NT5DC3: variants seen among roughly 807,000 people sequenced by gnomAD.
NT5DC3 encodes the protein 5'-nucleotidase domain containing 3.
Under a neutral mutation model 67.8 loss-of-function variants are expected in NT5DC3, and 42 were observed. The observed-to-expected ratio is 0.62, with a 90% CI of 0.48 to 0.80. NT5DC3 has a LOEUF of 0.80. NT5DC3 is among the 30% of genes least tolerant of loss of function. The pLI, the probability that NT5DC3 is intolerant of heterozygous loss-of-function variation, is 0.00. For synonymous variants in NT5DC3, 237 were observed against 255.6 expected (o/e 0.93, Z 0.69); for missense variants, 570 against 696.4 (o/e 0.82, Z 2.04).
chr12:103,778,170 T>TAAA (rs71098000), intron 13 of NT5DC3, 89 bp from the exon 14 acceptor site: 303,231 of 1,159,844 alleles, frequency 0.26, 18,483 homozygotes, highest in South Asian at 0.36. Context: ...CTTCTTTTTT[T>TAAA]AAAAAAAAAA....
chr12:103,785,751 T>TAAAAAAAAAAAAAA, intron 11 of NT5DC3: 1 of 363,510 alleles, frequency 2.8e-6, no homozygotes, highest in Non-Finnish European at 5.1e-6. Context: ...CCATGGTCTG[T>TAAAAAAAAAAAAAA]AAAAAAAAAA....
At chr12:103,758,908 C>G in the NT5DC3 span, among the ~76,000 whole-genome samples, 1 of 152,190 alleles carries the variant, frequency 6.6e-6, no homozygotes, top group East Asian at 1.9e-4. Context: ...AAGCTCTGCT[C>G]TAGACAATAC....
rs55870188 is a variant in NT5DC3 at position 103,824,729 on chromosome 12, C to T, written c.209-9608G>A. ...AATAAAGGCAATGAGCACCTAACAC[C>T]CCCTAGCCTTTCCTCACATTCCCTT... On this transcript the variant is annotated intron_variant, in intron 1 of 13. Transcript: ENST00000392876. Among the ~76,000 whole-genome samples the T allele has an allele frequency of 4.4e-3, 663 of 152,222 alleles. 9 individuals carry two copies. The highest frequency in any genetic ancestry group is 0.015 in the African/African-American group (621 of 41,526).
chr12:103,761,218 T>C, the NT5DC3 span: 1 of 1,331,806 alleles, frequency 7.5e-7, no homozygotes, highest in Non-Finnish European at 1.1e-6. Flanking sequence ...TCAGGGGCCT[T>C]GGGAAAATTG....
intron 6 of NT5DC3, among the ~76,000 whole-genome samples, chr12:103,794,293 G>C (rs978904131): frequency 5.7e-5 from 5 of 88,004 alleles, no homozygotes; most frequent in African/African-American, 1.5e-4. Flanking sequence ...GGGATTACAG[G>C]CGCCCGCCAG....
intron 9 of NT5DC3, among the ~76,000 whole-genome samples, chr12:103,792,920 T>C (rs1345243652): frequency 6.6e-6 from 1 of 152,262 alleles, no homozygotes; most frequent in Non-Finnish European, 1.5e-5. Flanking sequence ...AATCATTTTC[T>C]TCAAGCCTAC....
At chr12:103,794,506 T>C (rs1197673022) in intron 6 of NT5DC3, among the ~76,000 whole-genome samples, 3 of 152,174 alleles carry the variant, frequency 2.0e-5, no homozygotes, top group African/African-American at 4.8e-5. Flanking sequence ...TCCATGGTGA[T>C]GGTGGCAATT....
At chr12:103,821,410 G>C (rs946498288) in intron 1 of NT5DC3, among the ~76,000 whole-genome samples, 1 of 152,234 alleles carries the variant, frequency 6.6e-6, no homozygotes, top group Non-Finnish European at 1.5e-5. Context: ...AGGAGGGCAT[G>C]TAACCCAGGC....
chr12:103,785,751 TAAAAA>T lies in NT5DC3; in HGVS notation c.1189-281_1189-277del, dbSNP rs201632707. The stretch of plus-strand genomic sequence containing the variant: ...GTCTGGAATCATTAACCATGGTCTG[TAAAAA>T]AAAAAAAAAAAAAAAAAAAAAAAAT... On this transcript the variant is annotated intron_variant, in intron 11 of 13. Transcript: ENST00000392876. The T allele has an allele frequency of 5.1e-3, 1,879 of 364,968 alleles. 4 individuals carry two copies. The highest frequency in any genetic ancestry group is 0.022 in the African/African-American group (640 of 29,670). 22.6% of individuals were successfully genotyped at this position (364,968 alleles called of 1,614,324 possible).
chr12:103,782,013 A>G (rs1168929331), intron 12 of NT5DC3, among the ~76,000 whole-genome samples: 1 of 152,208 alleles, frequency 6.6e-6, no homozygotes, highest in African/African-American at 2.4e-5. Flanking sequence ...CTATCAGCCT[A>G]TAAGCTTACA....
rs534904276 is a variant in NT5DC3, at chr12:103,810,173, G to C, written c.394-3244C>G. Among the ~76,000 whole-genome samples, 4 of 152,298 alleles carry C rather than the reference G, an allele frequency of 2.6e-5. No individual in the cohort carries two copies. The South Asian group carries it at 8.3e-4, about 32-fold the overall frequency. ...CCTGCTACTCTCCTGTATGACTTTA[G>C]GTAAGTCTTCTCCAAGGCCTCTTCT... On this transcript the variant is annotated intron_variant, in intron 2 of 13. Coordinates refer to ENST00000392876, the MANE Select transcript of NT5DC3 (RefSeq NM_001031701.3).
At chr12:103,753,424 T>C in the NT5DC3 span, 17 of 1,605,466 alleles carry the variant, frequency 1.1e-5, no homozygotes, top group Non-Finnish European at 1.4e-5. Context: ...TTTCTTAAGA[T>C]GGGGAAGACT....
chr12:103,841,126 G>T lies in NT5DC3; in HGVS notation c.31C>A (p.Arg11Ser). ...GTCGCTGCCCTCGCCCCGGCCCCGC[G>T]TGCCACCACCGCCGCCGCTGCCATG... The part of the protein sequence containing the change: MTMAAAAVVA[R>S]GAGARAATAA... The change falls in exon 1 of 14, where the codon CGC (arginine) becomes AGC (serine). Residue 11 changes from arginine (R) to serine (S), a missense_variant. Transcript: ENST00000392876. The T allele has an allele frequency of 1.1e-6, 1 of 950,676 alleles. No homozygotes were observed. Among genetic ancestry groups the T allele is most frequent in the Non-Finnish European group, 1.4e-6 (1 of 713,554 alleles). The allele number at this position is 950,676 out of a possible 1,614,324, so 58.9% of individuals were successfully genotyped here.
At chr12:103,794,648 G>A (rs1024766335) in intron 6 of NT5DC3, among the ~76,000 whole-genome samples, 1 of 152,242 alleles carries the variant, frequency 6.6e-6, no homozygotes, top group African/African-American at 2.4e-5. Flanking sequence ...CTGGACAAAG[G>A]GAGTTATTGC....
In NT5DC3 at chr12:103,772,533, G is replaced by A. The variant is rs941341164; in HGVS notation, c.*5296C>T. 5 of 152,294 alleles carry A rather than the reference G, an allele frequency of 3.3e-5. No homozygotes were observed. Among genetic ancestry groups the A allele is most frequent in the Non-Finnish European group, 7.3e-5 (5 of 68,084 alleles). The allele number at this position is 152,294 out of a possible 1,614,324, so 9.4% of individuals were successfully genotyped here. A position where few individuals can be genotyped will look rare whatever the true frequency, so the allele number is the denominator to read the frequency against. On this transcript the variant is annotated 3_prime_UTR_variant, in exon 14 of 14. Coordinates refer to ENST00000392876, the MANE Select transcript of NT5DC3 (RefSeq NM_001031701.3). ...AGGACTGAAAACACACAGAAGCACT[G>A]TCGCAGGTTGGGTTCCCCGAAAGCA...
chr12:103,751,299 C>T, the NT5DC3 span, among the ~76,000 whole-genome samples: 1 of 152,036 alleles, frequency 6.6e-6, no homozygotes, highest in South Asian at 2.1e-4. Flanking sequence ...AGAGAATGAT[C>T]AAGGGTCAGC....
chr12:103,814,412 C>A (rs1023937437), intron 2 of NT5DC3, among the ~76,000 whole-genome samples: 1 of 152,322 alleles, frequency 6.6e-6, no homozygotes, highest in African/African-American at 2.4e-5. Context: ...ACTTCTTTTC[C>A]TGCTTCCTGA....
At chr12:103,763,748 G>C in the NT5DC3 span, 280 of 810,274 alleles carry the variant, frequency 3.5e-4, no homozygotes, top group Non-Finnish European at 5.7e-5. Context: ...CTAAAAGCCA[G>C]TTTTGCAAGC....
chr12:103,812,425 CAG>C (rs1442444219), intron 2 of NT5DC3, among the ~76,000 whole-genome samples: 7 of 152,214 alleles, frequency 4.6e-5, no homozygotes, highest in African/African-American at 1.4e-4. Flanking sequence ...AAGCAACAAA[CAG>C]ACATAATGAG....
Sources: allele counts gnomAD v4.1 joint callset (sites outside exome capture counted in the v4.1 genomes callset), GRCh38; gene constraint gnomAD v4.1.1; transcripts MANE v1.5; gene names NCBI Gene and HGNC (gene_info 2026-07-23, HGNC 2026-07-21).